RPH3AL: variants seen among roughly 807,000 people sequenced by gnomAD.
RPH3AL encodes the protein rabphilin 3A like (without C2 domains).
In RPH3AL, 38 loss-of-function variants were observed where a neutral mutation model predicts 43.1. The observed-to-expected ratio is 0.88, with a 90% CI of 0.68 to 1.15. RPH3AL has a LOEUF of 1.15. Among genes scored for constraint, RPH3AL ranks in the 50% most tolerant of loss-of-function variants. The pLI is 0.00. For synonymous variants in RPH3AL, 189 were observed against 176.3 expected, an observed-to-expected ratio of 1.07 and a Z score of -0.57; for missense variants, 462 against 423.2, an observed-to-expected ratio of 1.09 and a Z score of -0.81.
intron 6 of RPH3AL, among the ~76,000 whole-genome samples, chr17:281,135 T>C (rs1274243844): frequency 1.3e-5 from 2 of 152,128 alleles, no homozygotes; most frequent in African/African-American, 4.8e-5. Flanking sequence ...TTGCTGAGCC[T>C]CGACTTCCTT....
intron 7 of RPH3AL, among the ~76,000 whole-genome samples, chr17:222,832 G>A (rs1271502694): frequency 1.3e-5 from 2 of 152,062 alleles, no homozygotes; most frequent in African/African-American, 4.8e-5. Flanking sequence ...CTTCCTCTTG[G>A]TTTCCACAGT....
intron 6 of RPH3AL, among the ~76,000 whole-genome samples, chr17:276,117 A>G (rs1305066663): frequency 6.6e-6 from 1 of 152,214 alleles, no homozygotes; most frequent in African/African-American, 2.4e-5. Context: ...AGTTGGGAGC[A>G]CCAATCAGGA....
intron 6 of RPH3AL, among the ~76,000 whole-genome samples, chr17:265,607 T>C (rs2042302205): frequency 6.6e-6 from 1 of 152,266 alleles, no homozygotes; most frequent in African/African-American, 2.4e-5. Context: ...TTCTCCTTGT[T>C]GTTGTCCTTT....
intron 6 of RPH3AL, among the ~76,000 whole-genome samples, chr17:273,004 A>G (rs1251405287): frequency 3.3e-4 from 38 of 113,838 alleles, no homozygotes; most frequent in African/African-American, 9.9e-4. Flanking sequence ...GTGAGACCCC[A>G]GCGAGGGCGA....
chr17:227,658 T>C (rs2041137022), intron 7 of RPH3AL, among the ~76,000 whole-genome samples: 1 of 152,028 alleles, frequency 6.6e-6, no homozygotes, highest in African/African-American at 2.4e-5. Flanking sequence ...CTCTCCCTGG[T>C]CGGGGTGGGG....
rs1378735451 is a variant in RPH3AL at position 283,921 on chromosome 17, C to T, written c.352-2067G>A. 3.3e-5 allele frequency among the ~76,000 whole-genome samples: 5 copies of T among 152,308 alleles called. No individual in the cohort carries two copies. The highest frequency in any genetic ancestry group is 2.1e-4 in the South Asian group (1 of 4,826). On this transcript the variant is annotated intron_variant, in intron 5 of 9. Coordinates refer to ENST00000331302, the MANE Select transcript of RPH3AL (RefSeq NM_006987.4). This position sits in a 1 kb window ranked among gnomAD's most constrained non-coding sequence, Gnocchi z 4.2. Reference sequence around the variant, plus strand: ...TATGAGGTGGGCTCCAGAACCACAACGTGGGCCTCTCCTCTCTGGGTAAAG... The same window carrying T: ...TATGAGGTGGGCTCCAGAACCACAATGTGGGCCTCTCCTCTCTGGGTAAAG...
At chr17:335,960 G>C (rs12602564) in intron 1 of RPH3AL, 12,341 of 152,256 alleles carry the variant, frequency 0.081, 559 homozygotes, top group East Asian at 0.2. Flanking sequence ...GGCGTGGAGG[G>C]AGAACGGCTG....
Position 247,287 on chromosome 17 carries a change from T to C in RPH3AL, c.439-2A>G, listed in dbSNP as rs1555540567. On this transcript the variant is annotated splice_acceptor_variant, in intron 6 of 9. Transcript: ENST00000331302. LOFTEE classifies it high-confidence loss of function. ...CCAGGCCCCCGACCTCTTCCAGACC[T>C]GAGTGGGGGAAGAGAGCTGCTTGGG... is the stretch of plus-strand genomic sequence containing the variant. 1 of 1,567,342 alleles carries C rather than the reference T, an allele frequency of 6.4e-7. No homozygotes were observed. The highest frequency in any genetic ancestry group is 1.2e-5 in the South Asian group (1 of 84,056).
intron 6 of RPH3AL, among the ~76,000 whole-genome samples, chr17:276,534 G>A (rs963645011): frequency 2.1e-4 from 32 of 152,208 alleles, no homozygotes; most frequent in African/African-American, 7.5e-4. Context: ...TGGGACTGCA[G>A]GCGCTCACCA....
At chr17:324,690 T>TAG (rs1567524338) in intron 3 of RPH3AL, among the ~76,000 whole-genome samples, 58 of 149,798 alleles carry the variant, frequency 3.9e-4, no homozygotes, top group Middle Eastern at 3.4e-3. Flanking sequence ...TTTCTATCTA[T>TAG]CTAGCTAGCT....
chr17:219,707 C>T lies in RPH3AL; in HGVS notation c.643G>A (p.Asp215Asn), dbSNP rs943484818. ...VVSSDSDSDS[D>N]LSSSSLEDRL... ...TCCTCTAGGCTGGAGGAGCTAAGAT[C>T]CGAGTCACTGTCACTGTCACTGGAA... Residue 215 changes from aspartate to asparagine, a missense_variant, in exon 8 of 10, where the codon GAT becomes AAT. By Grantham distance (23) the Asp-to-Asn change is conservative (BLOSUM62 1). Transcript: ENST00000331302. 3 of 1,613,482 alleles carry T rather than the reference C, an allele frequency of 1.9e-6. No individual in the cohort carries two copies. Among genetic ancestry groups the T allele is most frequent in the Admixed American group, 3.3e-5 (2 of 59,970 alleles).
intron 4 of RPH3AL, among the ~76,000 whole-genome samples, chr17:320,688 C>A (rs2044444553): frequency 6.6e-6 from 1 of 152,178 alleles, no homozygotes. Context: ...ACATAGGAGG[C>A]CAGAATGAAA....
chr17:296,399 C>G (rs1208502727), intron 5 of RPH3AL, among the ~76,000 whole-genome samples: 2 of 143,004 alleles, frequency 1.4e-5, no homozygotes, highest in Non-Finnish European at 3.0e-5. Context: ...AATGGATGGA[C>G]AGAGGGAATG....
At position 311,428 on chromosome 17, in the gene RPH3AL, T is replaced by G. The variant is rs571810524; in HGVS notation, c.351+7992A>C. Among the ~76,000 whole-genome samples, 347 of 152,166 alleles carry G rather than the reference T, an allele frequency of 2.3e-3. 3 individuals carry two copies. The highest frequency in any genetic ancestry group is 7.9e-3 in the African/African-American group (328 of 41,510). ...TGCCCTTCCCTCTGCCCTCAGCCTTTCAGAAACCTGCCCAGCCTCCAGGGG... is the reference window on the plus strand; with the variant it reads ...TGCCCTTCCCTCTGCCCTCAGCCTTGCAGAAACCTGCCCAGCCTCCAGGGG... On this transcript the variant is annotated intron_variant, in intron 5 of 9. Coordinates refer to ENST00000331302, the MANE Select transcript of RPH3AL (RefSeq NM_006987.4).
intron 1 of RPH3AL, among the ~76,000 whole-genome samples, chr17:334,684 GGGACAGGGACAA>G (rs2044897837): frequency 7.1e-6 from 1 of 141,686 alleles, no homozygotes; most frequent in Non-Finnish European, 1.5e-5. Flanking sequence ...CCACTGTGGA[GGGACAGGGACAA>G]GGACAGGGAC....
At chr17:250,871 C>T (rs2041886994) in intron 6 of RPH3AL, among the ~76,000 whole-genome samples, 1 of 152,064 alleles carries the variant, frequency 6.6e-6, no homozygotes, top group Admixed American at 6.5e-5. Context: ...GCCTAAGCTC[C>T]GTCGCTGTGG....
rs955031253 is a variant in RPH3AL, at chr17:323,887, G to A, written c.78-2472C>T. ...CCTGGACCCTCAGTCACCCCCCAAGGCAGGCCCAGACCCTTACAGTCACCC... is the reference window on the plus strand; with the variant it reads ...CCTGGACCCTCAGTCACCCCCCAAGACAGGCCCAGACCCTTACAGTCACCC... On this transcript the variant is annotated intron_variant, in intron 3 of 9. Transcript: ENST00000331302. The surrounding 1 kb of genome is among the most constrained non-coding windows in gnomAD (Gnocchi z 4.4). Among the ~76,000 whole-genome samples, 19 of 148,966 alleles carry A rather than the reference G, an allele frequency of 1.3e-4. No homozygotes were observed. The highest frequency in any genetic ancestry group is 1.3e-3 in the Admixed American group (19 of 14,956).
intron 5 of RPH3AL, among the ~76,000 whole-genome samples, chr17:316,176 C>A (rs2044159150): frequency 2.8e-5 from 4 of 141,538 alleles, no homozygotes; most frequent in Admixed American, 2.2e-4. Context: ...TCCCTGTGCT[C>A]CACCTCCACT....
Position 245,203 on chromosome 17 carries a change from G to A in RPH3AL, c.613+1908C>T, listed in dbSNP as rs896091104. ...CGTGGATGTCTGTGTGTGTGGATGT[G>A]AGCGTGTGTGTCCATGTGGATGTGT... is the stretch of plus-strand genomic sequence containing the variant. On this transcript the variant is annotated intron_variant, in intron 7 of 9. Coordinates refer to ENST00000331302, the MANE Select transcript of RPH3AL (RefSeq NM_006987.4). This position sits in a 1 kb window ranked among gnomAD's most constrained non-coding sequence, Gnocchi z 5.9. 2.0e-5 allele frequency among the ~76,000 whole-genome samples: 3 copies of A among 150,886 alleles called. No individual in the cohort carries two copies. Among genetic ancestry groups the A allele is most frequent in the African/African-American group, 7.3e-5 (3 of 40,952 alleles).
Sources: allele counts gnomAD v4.1 joint callset (sites outside exome capture counted in the v4.1 genomes callset), GRCh38; gene constraint gnomAD v4.1.1; non-coding constraint Gnocchi (gnomAD v3.1); transcripts MANE v1.5; gene names NCBI Gene and HGNC (gene_info 2026-07-23, HGNC 2026-07-21).